ARHGAP24: variants seen among roughly 807,000 people sequenced by gnomAD.
ARHGAP24 encodes the protein rho GTPase-activating protein 24.
A neutral mutation model predicts 76.4 loss-of-function variants in ARHGAP24; 50 were observed. That is an observed-to-expected ratio of 0.65 (90% CI 0.52 to 0.83). The LOEUF (loss-of-function observed/expected upper bound fraction) is 0.83. ARHGAP24 is among the 40% of genes least tolerant of loss of function. The probability of loss-of-function intolerance (pLI) is 0.00; values close to 1 mark genes in which losing one functional copy is unlikely to be tolerated. For synonymous variants in ARHGAP24, 345 were observed against 323.3 expected (o/e 1.07, Z -0.72); for missense variants, 930 against 914.2 (o/e 1.02, Z -0.22).
chr4:85,612,700 C>T (rs965247455), intron 2 of ARHGAP24, among the ~76,000 whole-genome samples: 2 of 150,224 alleles, frequency 1.3e-5, no homozygotes, highest in African/African-American at 4.9e-5. Flanking sequence ...AATGAATTAA[C>T]ATTTTGCCAT....
chr4:85,995,064 C>T lies in ARHGAP24; in HGVS notation c.1410C>T (p.Thr470=). The change falls in exon 9 of 10, where the codon ACC becomes ACT. Residue 470 remains threonine, a synonymous_variant. Transcript: ENST00000395184. Reference sequence around the variant, plus strand: ...GCTCTTCACTGAAGGTATCTGGTACCAAAATGGGCACGCACAGTGTACAGA... The same window carrying T: ...GCTCTTCACTGAAGGTATCTGGTACTAAAATGGGCACGCACAGTGTACAGA... ...RRSSSLKVSG[T]KMGTHSVQNG... 6.2e-7 allele frequency: 1 copy of T among 1,614,010 alleles called. No homozygotes were observed. The highest frequency in any genetic ancestry group is 8.5e-7 in the Non-Finnish European group (1 of 1,180,006).
rs1264413688 is a variant in ARHGAP24 at position 85,995,508 on chromosome 4, T to C, written c.1854T>C (p.Gly618=). 1 of 1,601,866 alleles carries C rather than the reference T, an allele frequency of 6.2e-7. No homozygotes were observed. The highest frequency in any genetic ancestry group is 1.7e-5 in the Admixed American group (1 of 59,448). Residue 618 remains glycine, a synonymous_variant, in exon 9 of 10, where the codon GGT becomes GGC. Coordinates refer to ENST00000395184, the MANE Select transcript of ARHGAP24 (RefSeq NM_001025616.3). ...AAAGTGACCACAGGAGTGTGGGAGG[T>C]CGAAGTAGTCGTGCCACCAGTAGCA... ...ESKSDHRSVG[G]RSSRATSSSD... is the part of the protein sequence containing the mutation.
At chr4:85,791,623 G>A (rs906413765) in intron 3 of ARHGAP24, among the ~76,000 whole-genome samples, 1 of 152,204 alleles carries the variant, frequency 6.6e-6, no homozygotes, top group Non-Finnish European at 1.5e-5. Flanking sequence ...TAGGTGCAAT[G>A]ATTGGGGTCA....
At chr4:85,533,493 G>C (rs1188732609) in intron 1 of ARHGAP24, among the ~76,000 whole-genome samples, 1 of 152,034 alleles carries the variant, frequency 6.6e-6, no homozygotes, top group Admixed American at 6.6e-5. Flanking sequence ...TGAAAATATT[G>C]TCTAATATGA....
chr4:86,002,600 A>G lies in ARHGAP24; in HGVS notation c.*1878A>G, dbSNP rs1439828491. 1.3e-5 allele frequency: 2 copies of G among 152,144 alleles called. No homozygotes were observed. Among genetic ancestry groups the G allele is most frequent in the Non-Finnish European group, 2.9e-5 (2 of 68,014 alleles). 9.4% of individuals were successfully genotyped at this position (152,144 alleles called of 1,614,324 possible). A position where few individuals can be genotyped will look rare whatever the true frequency, so the allele number is the denominator to read the frequency against. On this transcript the variant is annotated 3_prime_UTR_variant, in exon 10 of 10. Coordinates refer to ENST00000395184, the MANE Select transcript of ARHGAP24 (RefSeq NM_001025616.3). ...AATGGTATACAATTTGCCAGCTGTT[A>G]CTGAACCTTCTATGCATAACTTTTT... is the stretch of plus-strand genomic sequence containing the variant.
intron 3 of ARHGAP24, among the ~76,000 whole-genome samples, chr4:85,863,345 C>T (rs749640340): frequency 2.0e-5 from 3 of 152,000 alleles, no homozygotes; most frequent in Admixed American, 6.6e-5. Context: ...TCACAGAACC[C>T]GATTAATTTC....
chr4:85,705,895 C>T (rs1435219554), intron 2 of ARHGAP24, among the ~76,000 whole-genome samples: 1 of 151,458 alleles, frequency 6.6e-6, no homozygotes, highest in Admixed American at 6.6e-5. Context: ...CATGAGGGGT[C>T]TGGAGGTTAA....
Position 85,805,058 on chromosome 4 carries a change from T to C in ARHGAP24, c.268+83086T>C, listed in dbSNP as rs371363280. 2.0e-5 allele frequency among the ~76,000 whole-genome samples: 3 copies of C among 152,338 alleles called. No homozygotes were observed. In the East Asian group the frequency reaches 5.8e-4, roughly 29 times the overall value. On this transcript the variant is annotated intron_variant, in intron 3 of 9. Coordinates refer to ENST00000395184, the MANE Select transcript of ARHGAP24 (RefSeq NM_001025616.3). Reference sequence around the variant, plus strand: ...AGAACAAAGGTATGAGATAAAAGTTTATTTGAGCTACAAGTTTATAGCAAA... The same window carrying C: ...AGAACAAAGGTATGAGATAAAAGTTCATTTGAGCTACAAGTTTATAGCAAA...
chr4:85,519,155 T>G (rs1463180501), intron 1 of ARHGAP24, among the ~76,000 whole-genome samples: 1 of 152,082 alleles, frequency 6.6e-6, no homozygotes, highest in Non-Finnish European at 1.5e-5. Flanking sequence ...CAAAAAACAG[T>G]TGATGTTATT....
chr4:85,629,272 T>G (rs1246120416), intron 2 of ARHGAP24, among the ~76,000 whole-genome samples: 1 of 152,200 alleles, frequency 6.6e-6, no homozygotes. Context: ...TGTAGCATGT[T>G]ATTGGCATCA....
At chr4:85,916,240 C>T (rs968497680) in intron 3 of ARHGAP24, among the ~76,000 whole-genome samples, 4 of 136,062 alleles carry the variant, frequency 2.9e-5, no homozygotes, top group Non-Finnish European at 6.3e-5. Flanking sequence ...TGTTCGTGTC[C>T]TTCACCACTT....
At position 85,961,071 on chromosome 4, in the gene ARHGAP24, A is replaced by G. The variant is rs184342486; in HGVS notation, c.600-10965A>G. ...TCTGACCCCTCTTACAAAGTAGTCC[A>G]AACAGAAAACACTAATATAAGAAAC... On this transcript the variant is annotated intron_variant, in intron 5 of 9. Coordinates refer to ENST00000395184, the MANE Select transcript of ARHGAP24 (RefSeq NM_001025616.3). 5.9e-5 allele frequency among the ~76,000 whole-genome samples: 9 copies of G among 152,258 alleles called. No individual in the cohort carries two copies. In the East Asian group the frequency reaches 1.7e-3, roughly 29 times the overall value.
intron 1 of ARHGAP24, among the ~76,000 whole-genome samples, chr4:85,533,473 A>T (rs1160090638): frequency 6.6e-6 from 1 of 152,206 alleles, no homozygotes; most frequent in Non-Finnish European, 1.5e-5. Flanking sequence ...TTCAGCAATC[A>T]AAGTATGGAT....
chr4:85,510,770 C>T (rs1024080477), intron 1 of ARHGAP24, among the ~76,000 whole-genome samples: 1 of 151,184 alleles, frequency 6.6e-6, no homozygotes, highest in Admixed American at 6.6e-5. Context: ...CATTCCTCCT[C>T]CTCCTCCTCC....
intron 1 of ARHGAP24, among the ~76,000 whole-genome samples, chr4:85,544,311 T>A (rs904380808): frequency 3.9e-5 from 6 of 152,338 alleles, no homozygotes; most frequent in Admixed American, 6.5e-5. Context: ...TCTTAGACAT[T>A]TTTGTAACTA....
At position 85,755,642 on chromosome 4, in the gene ARHGAP24, TTTTG is replaced by T. The variant is rs1304729025; in HGVS notation, c.268+33674_268+33677del. ...TATTCTTTTGTTTTGTTTTGTTTTG[TTTTG>T]TTTTGAGACGGAGTCTCGTTCTGTT... On this transcript the variant is annotated intron_variant, in intron 3 of 9. Coordinates refer to ENST00000395184, the MANE Select transcript of ARHGAP24 (RefSeq NM_001025616.3). 3.8e-5 allele frequency among the ~76,000 whole-genome samples: 4 copies of T among 105,046 alleles called. 1 individual carries two copies. Among genetic ancestry groups the T allele is most frequent in the African/African-American group, 1.2e-4 (4 of 34,188 alleles). The allele number at this position is 105,046 out of a possible 152,430, so 68.9% of individuals were successfully genotyped here.
At chr4:85,633,727 A>C (rs777948235) in intron 2 of ARHGAP24, among the ~76,000 whole-genome samples, 14 of 151,722 alleles carry the variant, frequency 9.2e-5, no homozygotes, top group Non-Finnish European at 2.1e-4. Context: ...AACTATTGTA[A>C]ATTAATAGTT....
intron 3 of ARHGAP24, among the ~76,000 whole-genome samples, chr4:85,742,277 T>A (rs910052441): frequency 6.6e-6 from 1 of 152,200 alleles, no homozygotes; most frequent in Non-Finnish European, 1.5e-5. Flanking sequence ...ATACTGATGA[T>A]GTCTCTCTCT....
chr4:85,810,401 A>G (rs1236624476), intron 3 of ARHGAP24, among the ~76,000 whole-genome samples: 14 of 152,208 alleles, frequency 9.2e-5, no homozygotes, highest in East Asian at 1.9e-4. Flanking sequence ...AGGCATATGC[A>G]TCAACGTGCT....
Sources: allele counts gnomAD v4.1 joint callset (sites outside exome capture counted in the v4.1 genomes callset), GRCh38; gene constraint gnomAD v4.1.1; transcripts MANE v1.5; gene names NCBI Gene and HGNC (gene_info 2026-07-23, HGNC 2026-07-21).